The following POLR1E variants were observed in gnomAD, a reference collection of about 807,000 sequenced individuals.
POLR1E encodes DNA-directed RNA polymerase I subunit RPA49.
POLR1E carries 37 observed loss-of-function variants against 50.9 expected under a neutral mutation model. The observed-to-expected ratio is 0.73, with a 90% CI of 0.56 to 0.96. The LOEUF (loss-of-function observed/expected upper bound fraction) is 0.96, where lower values mean the gene tolerates loss of function less well. Among genes scored for constraint, POLR1E ranks in the 40% least tolerant of loss-of-function variants. The probability of loss-of-function intolerance (pLI) is 0.00; values close to 1 mark genes in which losing one functional copy is unlikely to be tolerated. For missense variants in POLR1E, 426 were observed against 518.1 expected (o/e 0.82, Z 1.73); for synonymous variants, 166 against 191.6 (o/e 0.87, Z 1.10).
chr9:37,500,791 G>A, intron 9 of POLR1E, 49 bp from the exon 10 acceptor site: 1 of 1,461,526 alleles, frequency 6.8e-7, no homozygotes. Context: ...GTTGAGGTGT[G>A]GCCTGAGGGT....
chr9:37,486,412 GGGC>G, intron 1 of POLR1E: 5 of 1,525,536 alleles, frequency 3.3e-6, no homozygotes, highest in Non-Finnish European at 4.4e-6. Context: ...TCTCTTCACT[GGGC>G]AGGGGTTCCT....
Position 37,498,190 on chromosome 9 carries a change from C to A in POLR1E, c.852C>A (p.Ile284=), listed in dbSNP as rs778260920. Residue 284 remains isoleucine (I), a synonymous_variant, in exon 9 of 12, where the codon ATC becomes ATA. Coordinates refer to ENST00000377798, the MANE Select transcript of POLR1E (RefSeq NM_022490.4). ...GCATATGGTTTCTGGATACCCTCATCAAATTTCGAGCTCATAGGGTAGTTA... is the reference window on the plus strand; with the variant it reads ...GCATATGGTTTCTGGATACCCTCATAAAATTTCGAGCTCATAGGGTAGTTA... ...ARCIWFLDTL[I]KFRAHRVVKR... is the part of the protein sequence containing the mutation. 2 of 1,613,998 alleles carry A rather than the reference C, an allele frequency of 1.2e-6. No individual in the cohort carries two copies. Among genetic ancestry groups the A allele is most frequent in the South Asian group, 2.2e-5 (2 of 91,068 alleles).
At chr9:37,490,797 T>TC in intron 4 of POLR1E, 1 of 613,360 alleles carries the variant, frequency 1.6e-6, no homozygotes, top group East Asian at 3.9e-5. Context: ...TTCTTATAGA[T>TC]TCACATATAT....
rs1008886134 is a variant in POLR1E, at chr9:37,485,974, G to T, written c.-74G>T. The T allele has an allele frequency of 1.8e-5, 27 of 1,539,630 alleles. No homozygotes were observed. In the African/African-American group the frequency reaches 3.3e-4, roughly 19 times the overall value. On this transcript the variant is annotated 5_prime_UTR_variant, in exon 1 of 12. Transcript: ENST00000377798. ...TTTTCCGGCCCGCAGCGCGGCCTGG[G>T]CTCCCGCGTGTTTAAAAGTGCGCTT...
intron 11 of POLR1E, among the ~76,000 whole-genome samples, chr9:37,502,442 G>A (rs1483819067): frequency 6.6e-6 from 1 of 152,226 alleles, no homozygotes; most frequent in East Asian, 1.9e-4. Flanking sequence ...GGTGGTGGAG[G>A]TGACCTTTTA....
At chr9:37,488,338 G>A (rs74724209) in intron 3 of POLR1E, among the ~76,000 whole-genome samples, 2,541 of 152,246 alleles carry the variant, frequency 0.017, 83 homozygotes, top group African/African-American at 0.058. Flanking sequence ...TTCCCATCCA[G>A]CTGTGCTGCT....
At chr9:37,498,891 G>A (rs1036819564) in intron 9 of POLR1E, among the ~76,000 whole-genome samples, 2 of 152,162 alleles carry the variant, frequency 1.3e-5, no homozygotes, top group Non-Finnish European at 2.9e-5. Context: ...ATGGGGATAT[G>A]TTCTGAGAAA....
intron 8 of POLR1E, among the ~76,000 whole-genome samples, chr9:37,496,613 A>ATTTCTT (rs1321205467): frequency 1.6e-5 from 1 of 63,840 alleles, no homozygotes; most frequent in African/African-American, 9.2e-5. Flanking sequence ...TGGAATTATT[A>ATTTCTT]TTATTATTTC....
chr9:37,493,740 A>G, intron 6 of POLR1E, 37 bp downstream of exon 6: 1 of 1,429,352 alleles, frequency 7.0e-7, no homozygotes, highest in Non-Finnish European at 9.3e-7. Flanking sequence ...GTCTGCCCAT[A>G]ATGACAGCTT....
chr9:37,486,321 C>G, intron 1 of POLR1E, 198 bp downstream of exon 1: 2 of 1,329,536 alleles, frequency 1.5e-6, no homozygotes, highest in East Asian at 2.5e-5. Flanking sequence ...TTGGGACATC[C>G]CACTCACCCG....
chr9:37,492,534 A>C (rs1820703126), intron 4 of POLR1E, 123 bp from the exon 5 acceptor site: 1 of 955,052 alleles, frequency 1.0e-6, no homozygotes, highest in Admixed American at 2.2e-5. Context: ...TGTTAGGCTC[A>C]GGGAAGTCCT....
intron 4 of POLR1E, chr9:37,492,263 T>G: frequency 7.8e-7 from 1 of 1,290,194 alleles, no homozygotes; most frequent in Non-Finnish European, 1.0e-6. Flanking sequence ...ACATACCTCA[T>G]GTTTATGCCT....
At chr9:37,496,926 T>C (rs888562142) in intron 8 of POLR1E, among the ~76,000 whole-genome samples, 2 of 152,216 alleles carry the variant, frequency 1.3e-5, no homozygotes, top group African/African-American at 4.8e-5. Context: ...GACTGAGCCT[T>C]AACATTTTTG....
At chr9:37,486,403 C>G (rs988637905) in intron 1 of POLR1E, 1 of 1,515,256 alleles carries the variant, frequency 6.6e-7, no homozygotes, top group African/African-American at 1.4e-5. Flanking sequence ...CCATTTCCCT[C>G]TCTTCACTGG....
chr9:37,487,123 T>C (rs1820591485), intron 2 of POLR1E, among the ~76,000 whole-genome samples: 1 of 152,204 alleles, frequency 6.6e-6, no homozygotes, highest in African/African-American at 2.4e-5. Context: ...GACTATTGAC[T>C]TTTTGGGCCA....
intron 8 of POLR1E, 125 bp from the exon 9 acceptor site, chr9:37,497,966 G>T (rs917366021): frequency 8.8e-7 from 1 of 1,132,594 alleles, no homozygotes; most frequent in African/African-American, 1.6e-5. Context: ...GTTGCCCAGG[G>T]TTTCATCAGC....
chr9:37,493,631 G>C lies in POLR1E; in HGVS notation c.475G>C (p.Val159Leu). ...RALNTRRMNRVGNESLNRAVA... is the reference protein window; with the variant it reads ...RALNTRRMNRLGNESLNRAVA... ...TCTGAACACCAGGAGAATGAACAGA[G>C]TTGGCAATGAATCTTTGAATCGTGC... The change falls in exon 6 of 12, where the codon GTT (valine) becomes CTT (leucine). Residue 159 changes from valine (V) to leucine (L), a missense_variant. Val to Leu is a conservative substitution (Grantham distance 32, BLOSUM62 1). Transcript: ENST00000377798. The C allele has an allele frequency of 1.2e-6, 2 of 1,610,398 alleles. No individual in the cohort carries two copies. Among genetic ancestry groups the C allele is most frequent in the Non-Finnish European group, 8.5e-7 (1 of 1,178,038 alleles).
chr9:37,492,222 T>A (rs1231067163), intron 4 of POLR1E: 1 of 1,280,778 alleles, frequency 7.8e-7, no homozygotes, highest in Non-Finnish European at 1.0e-6. Context: ...TTGAGTACTT[T>A]GTAGATGATT....
At chr9:37,493,903 G>A (rs1820740354) in intron 6 of POLR1E, among the ~76,000 whole-genome samples, 200 bp downstream of exon 6, 1 of 152,188 alleles carries the variant, frequency 6.6e-6, no homozygotes, top group Admixed American at 6.5e-5. Context: ...GTGATCCACA[G>A]TCAAGTACAG....
Sources: gnomAD v4.1 joint callset for allele counts (sites outside exome capture counted in the v4.1 genomes callset) on GRCh38, gnomAD v4.1.1 for gene constraint, MANE v1.5 for transcripts, NCBI Gene and HGNC (gene_info 2026-07-23, HGNC 2026-07-21) for gene names.